The following STPG2 variants were observed in gnomAD, a reference collection of about 807,000 sequenced individuals.
STPG2 encodes the protein sperm tail PG-rich repeat containing 2.
A neutral mutation model predicts 54.2 loss-of-function variants in STPG2; 56 were observed. That is an observed-to-expected ratio of 1.03 (90% CI 0.83 to 1.29). The LOEUF is 1.29. STPG2 is among the 50% of genes most tolerant of loss of function. The pLI is 0.00. For synonymous variants in STPG2, 200 were observed against 181.8 expected, an observed-to-expected ratio of 1.10 and a Z score of -0.81; for missense variants, 596 against 544.9, an observed-to-expected ratio of 1.09 and a Z score of -0.93.
intron 8 of STPG2, among the ~76,000 whole-genome samples, chr4:97,896,791 CA>C (rs559788179): frequency 2.6e-5 from 4 of 151,562 alleles, no homozygotes; most frequent in Admixed American, 6.6e-5. Flanking sequence ...AGAAAAACTA[CA>C]AAAAAAGATA....
intron 9 of STPG2, among the ~76,000 whole-genome samples, chr4:97,825,314 C>G (rs1728217365): frequency 1.3e-5 from 2 of 152,206 alleles, no homozygotes; most frequent in Admixed American, 1.3e-4. Context: ...TATGAGAGAG[C>G]TTTGGTGTGT....
chr4:97,914,351 T>A (rs1479595045), intron 8 of STPG2, among the ~76,000 whole-genome samples: 1 of 151,594 alleles, frequency 6.6e-6, no homozygotes, highest in East Asian at 1.9e-4. Context: ...TGAACTAAAC[T>A]TAAGAAAACA....
At chr4:98,089,446 C>T (rs943048270) in intron 5 of STPG2, among the ~76,000 whole-genome samples, 6 of 151,822 alleles carry the variant, frequency 4.0e-5, no homozygotes, top group Non-Finnish European at 7.4e-5. Flanking sequence ...TTTGTCCTCT[C>T]GTTGGTCGAT....
At chr4:97,504,344 T>A (rs1027749763) in intron 4 of STPG2, among the ~76,000 whole-genome samples, 2 of 151,446 alleles carry the variant, frequency 1.3e-5, no homozygotes, top group Non-Finnish European at 2.9e-5. Context: ...AAAACTCATC[T>A]ATAGTTTATA....
At chr4:97,934,268 A>T (rs1008965043) in intron 8 of STPG2, among the ~76,000 whole-genome samples, 1 of 152,156 alleles carries the variant, frequency 6.6e-6, no homozygotes, top group Non-Finnish European at 1.5e-5. Flanking sequence ...GGGCTGAGAC[A>T]ATGTGGTTTT....
At chr4:97,624,098 T>C (rs1347450565) in intron 10 of STPG2, among the ~76,000 whole-genome samples, 1 of 152,210 alleles carries the variant, frequency 6.6e-6, no homozygotes. Context: ...GCAGTGAACG[T>C]ATATGTAGAA....
At chr4:97,884,278 T>A (rs954279788) in intron 8 of STPG2, among the ~76,000 whole-genome samples, 3 of 152,158 alleles carry the variant, frequency 2.0e-5, no homozygotes, top group African/African-American at 7.2e-5. Context: ...CTTCCCAAAA[T>A]TTTTACAATG....
At chr4:97,925,429 G>T (rs1040867624) in intron 8 of STPG2, among the ~76,000 whole-genome samples, 2 of 152,198 alleles carry the variant, frequency 1.3e-5, no homozygotes, top group Admixed American at 1.3e-4. Context: ...AGTACAGGAA[G>T]TATATAAGTT....
At chr4:97,906,827 T>C (rs1553923758) in intron 8 of STPG2, among the ~76,000 whole-genome samples, 1 of 152,158 alleles carries the variant, frequency 6.6e-6, no homozygotes, top group Non-Finnish European at 1.5e-5. Context: ...CCCGTCAAAC[T>C]AAAAATTCTC....
intron 9 of STPG2, among the ~76,000 whole-genome samples, chr4:97,736,759 G>A (rs1254811194): frequency 6.6e-6 from 1 of 152,212 alleles, no homozygotes; most frequent in African/African-American, 2.4e-5. Context: ...GCCTGCCTCT[G>A]TAGGCTCCAC....
intron 8 of STPG2, among the ~76,000 whole-genome samples, chr4:97,937,883 C>T (rs933030468): frequency 1.3e-5 from 2 of 152,150 alleles, no homozygotes; most frequent in African/African-American, 2.4e-5. Flanking sequence ...GAACCAAGAC[C>T]CATTTAACGA....
chr4:98,117,625 T>G (rs1739559156), intron 3 of STPG2, among the ~76,000 whole-genome samples: 1 of 152,078 alleles, frequency 6.6e-6, no homozygotes, highest in African/African-American at 2.4e-5. Flanking sequence ...CTATTTTCTT[T>G]CTGTTCATCA....
At chr4:98,138,956 T>G (rs1740205675) in intron 1 of STPG2, among the ~76,000 whole-genome samples, 1 of 152,182 alleles carries the variant, frequency 6.6e-6, no homozygotes, top group Non-Finnish European at 1.5e-5. Context: ...GGCACGATAA[T>G]GCCAGGAGTA....
At chr4:98,079,474 C>T (rs973940043) in intron 5 of STPG2, among the ~76,000 whole-genome samples, 1 of 152,162 alleles carries the variant, frequency 6.6e-6, no homozygotes, top group Non-Finnish European at 1.5e-5. Flanking sequence ...GACTGATAAC[C>T]TAAACAGTTT....
At chr4:98,037,805 T>G (rs1386218031) in intron 5 of STPG2, among the ~76,000 whole-genome samples, 1 of 152,058 alleles carries the variant, frequency 6.6e-6, no homozygotes, top group African/African-American at 2.4e-5. Flanking sequence ...CCAACAATAA[T>G]TCATAAGAAA....
At chr4:97,668,149 A>T (rs1722582890) in intron 10 of STPG2, among the ~76,000 whole-genome samples, 1 of 152,184 alleles carries the variant, frequency 6.6e-6, no homozygotes, top group South Asian at 2.1e-4. Flanking sequence ...GTATTTAAGG[A>T]CTGCACTTAA....
intron 8 of STPG2, among the ~76,000 whole-genome samples, chr4:97,939,918 G>A (rs1420490216): frequency 6.6e-6 from 1 of 152,144 alleles, no homozygotes; most frequent in African/African-American, 2.4e-5. Flanking sequence ...GTGTTTAAAT[G>A]TGTTTCATAT....
chr4:97,487,120 C>T (rs1404750984), intron 4 of STPG2, among the ~76,000 whole-genome samples: 1 of 149,644 alleles, frequency 6.7e-6, no homozygotes, highest in Non-Finnish European at 1.5e-5. Context: ...GGGGGAGGGA[C>T]AAAAGACTAC....
At chr4:97,939,868 G>A (rs956429921) in intron 8 of STPG2, among the ~76,000 whole-genome samples, 3 of 152,070 alleles carry the variant, frequency 2.0e-5, no homozygotes, top group African/African-American at 7.2e-5. Context: ...TATTATGTTG[G>A]CTTGTTCATG....
Sources: gnomAD v4.1 joint callset for allele counts (sites outside exome capture counted in the v4.1 genomes callset) on GRCh38, gnomAD v4.1.1 for gene constraint, MANE v1.5 for transcripts, NCBI Gene and HGNC (gene_info 2026-07-23, HGNC 2026-07-21) for gene names.